LYN: variants seen among roughly 807,000 people sequenced by gnomAD.
LYN encodes the protein tyrosine-protein kinase Lyn.
In LYN, 12 loss-of-function variants were observed where a neutral mutation model predicts 65.0. The observed-to-expected ratio is 0.18, with a 90% CI of 0.12 to 0.30. The LOEUF (loss-of-function observed/expected upper bound fraction) is 0.30, where lower values mean the gene tolerates loss of function less well. Among genes scored for constraint, LYN ranks in the 10% least tolerant of loss-of-function variants. The pLI is 1.00. For missense variants in LYN, 380 were observed against 623.2 expected (o/e 0.61, Z 4.16); for synonymous variants, 222 against 221.2 (o/e 1.00, Z -0.03).
At chr8:55,966,955 T>C (rs994728388) in intron 9 of LYN, 58 bp downstream of exon 9, 5 of 1,521,306 alleles carry the variant, frequency 3.3e-6, no homozygotes, top group Non-Finnish European at 4.5e-6. Context: ...AAGTAAAATG[T>C]GTAAGTGTTC....
intron 1 of LYN, among the ~76,000 whole-genome samples, chr8:55,911,982 G>A (rs779433514): frequency 2.0e-5 from 3 of 152,044 alleles, no homozygotes; most frequent in Non-Finnish European, 2.9e-5. Flanking sequence ...CAATATCGTC[G>A]TGGTGTGTTC....
chr8:55,960,017 G>A (rs995832459), intron 8 of LYN, among the ~76,000 whole-genome samples: 1 of 152,190 alleles, frequency 6.6e-6, no homozygotes, highest in African/African-American at 2.4e-5. Flanking sequence ...GGGGGCCTGG[G>A]AGTATGGTAG....
intron 12 of LYN, among the ~76,000 whole-genome samples, chr8:56,004,036 G>A (rs1018483345): frequency 6.1e-5 from 9 of 146,488 alleles, no homozygotes; most frequent in African/African-American, 1.5e-4. Flanking sequence ...GAGTTCAAGC[G>A]ATTCTCCTGC....
At chr8:55,970,184 C>T (rs964137478) in intron 10 of LYN, among the ~76,000 whole-genome samples, 1 of 152,156 alleles carries the variant, frequency 6.6e-6, no homozygotes, top group Admixed American at 6.5e-5. Context: ...TGTATGGATA[C>T]TTTTAAGTCC....
chr8:55,939,226 C>G (rs183988183), intron 1 of LYN, among the ~76,000 whole-genome samples: 5 of 152,264 alleles, frequency 3.3e-5, no homozygotes, highest in African/African-American at 7.2e-5. Flanking sequence ...ATGGGGGACC[C>G]CAAACACTTT....
chr8:55,926,938 A>G (rs1646950272), intron 1 of LYN, among the ~76,000 whole-genome samples: 1 of 152,228 alleles, frequency 6.6e-6, no homozygotes, highest in South Asian at 2.1e-4. Flanking sequence ...GCAGTTTTAG[A>G]TTCAGATAAA....
chr8:55,905,159 C>T (rs1453901940), intron 1 of LYN, among the ~76,000 whole-genome samples: 1 of 152,180 alleles, frequency 6.6e-6, no homozygotes, highest in Non-Finnish European at 1.5e-5. Flanking sequence ...GCCTGTCATC[C>T]CAGCACTTTG....
chr8:55,954,907 A>T (rs1255582520), intron 8 of LYN, among the ~76,000 whole-genome samples: 1 of 152,198 alleles, frequency 6.6e-6, no homozygotes, highest in Non-Finnish European at 1.5e-5. Flanking sequence ...TTCTTTGGTG[A>T]TAAGAGTTTT....
chr8:55,994,627 C>T (rs1014298939), intron 10 of LYN, among the ~76,000 whole-genome samples: 13 of 152,096 alleles, frequency 8.5e-5, no homozygotes, highest in African/African-American at 2.4e-4. Context: ...CGATCAACAG[C>T]GTTGGGAGAG....
chr8:55,999,952 CAG>C (rs1359067668), intron 12 of LYN, among the ~76,000 whole-genome samples: 2 of 152,206 alleles, frequency 1.3e-5, no homozygotes, highest in African/African-American at 4.8e-5. Context: ...GCCTACACGA[CAG>C]AGTGAGACTC....
At chr8:55,981,197 G>A (rs187745678) in intron 10 of LYN, among the ~76,000 whole-genome samples, 129 of 152,184 alleles carry the variant, frequency 8.5e-4, no homozygotes, top group Admixed American at 2.1e-3. Context: ...CTTATCAACA[G>A]GCACCTTCCC....
intron 4 of LYN, 49 bp from the exon 5 acceptor site, chr8:55,950,410 T>C (rs766146432): frequency 5.2e-6 from 6 of 1,161,358 alleles, no homozygotes; most frequent in African/African-American, 3.1e-5. Flanking sequence ...GATACATGCA[T>C]GGAGTATGTA....
intron 12 of LYN, among the ~76,000 whole-genome samples, chr8:56,008,048 G>A (rs1380481802): frequency 2.6e-5 from 4 of 151,544 alleles, no homozygotes; most frequent in African/African-American, 4.9e-5. Context: ...GAACCTGGGA[G>A]GCGGAGGTTG....
At chr8:55,978,952 G>A (rs767713799) in intron 10 of LYN, among the ~76,000 whole-genome samples, 18 of 151,396 alleles carry the variant, frequency 1.2e-4, no homozygotes, top group Non-Finnish European at 2.6e-4. Flanking sequence ...CTCTGCTGCC[G>A]CTTTTCTCTC....
intron 8 of LYN, among the ~76,000 whole-genome samples, chr8:55,964,193 A>T (rs1807376720): frequency 6.6e-6 from 1 of 151,968 alleles, no homozygotes; most frequent in Admixed American, 6.6e-5. Context: ...ATATGTTCTA[A>T]CACTTATCTT....
intron 1 of LYN, among the ~76,000 whole-genome samples, chr8:55,892,948 G>A (rs1804997805): frequency 6.6e-6 from 1 of 152,054 alleles, no homozygotes; most frequent in Admixed American, 6.6e-5. Flanking sequence ...GTACTCCCCT[G>A]AAAGGCATCT....
chr8:55,983,134 G>A (rs1294988066), intron 10 of LYN, among the ~76,000 whole-genome samples: 1 of 152,116 alleles, frequency 6.6e-6, no homozygotes, highest in East Asian at 1.9e-4. Context: ...CAGTTCAAGA[G>A]CACCAGCCTG....
intron 1 of LYN, among the ~76,000 whole-genome samples, chr8:55,909,236 T>G (rs13253060): frequency 0.69 from 103,814 of 151,522 alleles, 35,712 homozygotes; most frequent in East Asian, 0.95. Flanking sequence ...TGGGCCAGGG[T>G]GCGACTGCAT....
chr8:55,898,338 G>T lies in LYN; in HGVS notation c.-6+18235G>T, dbSNP rs532926109. 3.3e-5 allele frequency among the ~76,000 whole-genome samples: 5 copies of T among 152,180 alleles called. No individual in the cohort carries two copies. In the East Asian group the frequency reaches 9.7e-4, roughly 29 times the overall value. On this transcript the variant is annotated intron_variant, in intron 1 of 12. Transcript: ENST00000519728. Reference sequence around the variant, plus strand: ...GAGTCTCCCTCTGTCACCCAGGCTGGAGTGCAGTGGCACACTCTTGGCTCA... The same window carrying T: ...GAGTCTCCCTCTGTCACCCAGGCTGTAGTGCAGTGGCACACTCTTGGCTCA...
Sources: allele counts gnomAD v4.1 joint callset (sites outside exome capture counted in the v4.1 genomes callset), GRCh38; gene constraint gnomAD v4.1.1; transcripts MANE v1.5; gene names NCBI Gene and HGNC (gene_info 2026-07-23, HGNC 2026-07-21).